LCLAT1: variants seen among roughly 807,000 people sequenced by gnomAD.
LCLAT1 encodes the protein 1-AGP acyltransferase 8.
LCLAT1 carries 11 observed loss-of-function variants against 30.7 expected under a neutral mutation model. The ratio of observed to expected loss-of-function variants is 0.36; its 90% confidence interval spans 0.23 to 0.59. The LOEUF is 0.59. Ranked by LOEUF, LCLAT1 falls within the 20% of genes least tolerant of loss-of-function variation. The pLI, the probability that LCLAT1 is intolerant of heterozygous loss-of-function variation, is 0.77. For synonymous variants in LCLAT1, 155 were observed against 151.3 expected (o/e 1.02, Z -0.18); for missense variants, 402 against 458.6 (o/e 0.88, Z 1.13).
chr2:30,593,824 G>T (rs1026498180), intron 5 of LCLAT1, among the ~76,000 whole-genome samples: 2 of 151,230 alleles, frequency 1.3e-5, no homozygotes, highest in Non-Finnish European at 2.9e-5. Context: ...TTGGGAGGCT[G>T]AAGCAGGAGG....
chr2:30,597,413 TG>T (rs1666970609), intron 5 of LCLAT1, among the ~76,000 whole-genome samples: 1 of 152,170 alleles, frequency 6.6e-6, no homozygotes, highest in Non-Finnish European at 1.5e-5. Flanking sequence ...CAGTTGTGAA[TG>T]GGAATTCATT....
intron 5 of LCLAT1, among the ~76,000 whole-genome samples, chr2:30,637,745 T>C (rs2148536674): frequency 6.6e-6 from 1 of 152,284 alleles, no homozygotes; most frequent in Admixed American, 6.5e-5. Flanking sequence ...GCCCAGCTAA[T>C]TTTTGTATTT....
chr2:30,611,186 G>T (rs1667720947), intron 5 of LCLAT1, among the ~76,000 whole-genome samples: 1 of 144,622 alleles, frequency 6.9e-6, no homozygotes, highest in Non-Finnish European at 1.5e-5. Flanking sequence ...AGTCTTTCCT[G>T]CTTCATTATA....
chr2:30,508,059 C>A (rs1395745278), intron 1 of LCLAT1, among the ~76,000 whole-genome samples: 2 of 152,046 alleles, frequency 1.3e-5, no homozygotes, highest in African/African-American at 2.4e-5. Context: ...TCAGCTTTTT[C>A]CTCATATGCT....
At chr2:30,459,586 G>C in intron 1 of LCLAT1, 1 of 1,498,580 alleles carries the variant, frequency 6.7e-7, no homozygotes, top group Non-Finnish European at 9.3e-7. Flanking sequence ...CTTCTGGGAA[G>C]CTGGCAACAA....
Position 30,592,407 on chromosome 2 carries a change from T to C in LCLAT1, c.628+24231T>C, listed in dbSNP as rs1007729497. On this transcript the variant is annotated intron_variant, in intron 5 of 5. Coordinates refer to ENST00000379509, the MANE Select transcript of LCLAT1 (RefSeq NM_001002257.3). ...AGGTGAGAGGATGGCTTGAGCTTGCTTGGGAGGTCGAGGCTGCAGTGAGCT... is the reference window on the plus strand; with the variant it reads ...AGGTGAGAGGATGGCTTGAGCTTGCCTGGGAGGTCGAGGCTGCAGTGAGCT... Among the ~76,000 whole-genome samples the C allele has an allele frequency of 1.1e-4, 16 of 152,058 alleles. 1 individual carries two copies. Among genetic ancestry groups the C allele is most frequent in the Admixed American group, 9.8e-4 (15 of 15,264 alleles).
At chr2:30,471,835 G>C (rs1422877104) in intron 1 of LCLAT1, among the ~76,000 whole-genome samples, 1 of 152,032 alleles carries the variant, frequency 6.6e-6, no homozygotes, top group Non-Finnish European at 1.5e-5. Context: ...TCTTCCTTCT[G>C]ATTTGGATGA....
chr2:30,623,152 C>A (rs564129007), intron 5 of LCLAT1, among the ~76,000 whole-genome samples: 5 of 145,096 alleles, frequency 3.4e-5, no homozygotes, highest in African/African-American at 1.3e-4. Context: ...CTCCTGGATT[C>A]ATGCCATTCT....
intron 1 of LCLAT1, among the ~76,000 whole-genome samples, chr2:30,468,774 T>C (rs1027107199): frequency 2.6e-5 from 4 of 152,206 alleles, no homozygotes; most frequent in South Asian, 4.1e-4. Flanking sequence ...TAAATGAAAT[T>C]ATGCAATACG....
intron 3 of LCLAT1, among the ~76,000 whole-genome samples, chr2:30,546,951 A>C (rs909652445): frequency 6.6e-6 from 1 of 152,096 alleles, no homozygotes; most frequent in East Asian, 1.9e-4. Flanking sequence ...TAAGATGAAT[A>C]GATTCATCTT....
chr2:30,525,321 C>A (rs1685657153), intron 1 of LCLAT1, among the ~76,000 whole-genome samples: 1 of 152,188 alleles, frequency 6.6e-6, no homozygotes, highest in South Asian at 2.1e-4. Flanking sequence ...AAGTGATCCA[C>A]CTGCTTCAGC....
intron 4 of LCLAT1, among the ~76,000 whole-genome samples, chr2:30,565,043 G>A (rs1010499869): frequency 2.0e-5 from 3 of 152,132 alleles, no homozygotes; most frequent in Admixed American, 6.5e-5. Context: ...ACAGACATAT[G>A]TGCACCCATA....
At chr2:30,453,532 G>C (rs138802731) in intron 1 of LCLAT1, among the ~76,000 whole-genome samples, 23 of 152,100 alleles carry the variant, frequency 1.5e-4, no homozygotes, top group African/African-American at 4.8e-4. Flanking sequence ...CTGATTGAAA[G>C]TTGGGGTGGC....
intron 1 of LCLAT1, among the ~76,000 whole-genome samples, chr2:30,501,482 A>G (rs1434300993): frequency 1.3e-5 from 2 of 152,138 alleles, no homozygotes; most frequent in Non-Finnish European, 2.9e-5. Context: ...GCGGTGGTCA[A>G]CATGGTGAAA....
chr2:30,560,529 G>C (rs1665162271), intron 3 of LCLAT1, among the ~76,000 whole-genome samples: 1 of 151,704 alleles, frequency 6.6e-6, no homozygotes, highest in Non-Finnish European at 1.5e-5. Context: ...GTAGAGATGG[G>C]GTTTCACCAT....
intron 5 of LCLAT1, chr2:30,605,978 A>G (rs564717029): frequency 2.4e-6 from 3 of 1,272,040 alleles, no homozygotes; most frequent in South Asian, 1.3e-5. Context: ...TGCTACCATG[A>G]GAATCTAATG....
At chr2:30,630,805 C>T (rs963148833) in intron 5 of LCLAT1, among the ~76,000 whole-genome samples, 1 of 152,262 alleles carries the variant, frequency 6.6e-6, no homozygotes, top group Middle Eastern at 3.4e-3. Flanking sequence ...CCAAAATGTA[C>T]TTTGAAATAA....
intron 3 of LCLAT1, 151 bp downstream of exon 3, chr2:30,533,465 A>G (rs1230013377): frequency 1.6e-5 from 11 of 669,346 alleles, no homozygotes; most frequent in South Asian, 7.2e-5. Context: ...TGGATCTGCT[A>G]TGGCAGATGA....
At chr2:30,588,939 A>G (rs1431028168) in intron 5 of LCLAT1, among the ~76,000 whole-genome samples, 1 of 152,238 alleles carries the variant, frequency 6.6e-6, no homozygotes, top group Admixed American at 6.5e-5. Context: ...ATGAATTAAT[A>G]AAAGACACAA....
Sources: gnomAD v4.1 joint callset for allele counts (sites outside exome capture counted in the v4.1 genomes callset) on GRCh38, gnomAD v4.1.1 for gene constraint, MANE v1.5 for transcripts, NCBI Gene and HGNC (gene_info 2026-07-23, HGNC 2026-07-21) for gene names.